TVP23A: variants seen among roughly 807,000 people sequenced by gnomAD.
TVP23A encodes trans-golgi network vesicle protein 23 homolog A.
A neutral mutation model predicts 31.7 loss-of-function variants in TVP23A; 21 were observed. The observed-to-expected ratio is 0.66, with a 90% CI of 0.47 to 0.95. The LOEUF is 0.95. Ranked by LOEUF, TVP23A falls within the 40% of genes least tolerant of loss-of-function variation. TVP23A has a pLI of 0.00. For missense variants in TVP23A, 279 were observed against 255.6 expected (o/e 1.09, Z -0.62); for synonymous variants, 104 against 96.0 (o/e 1.08, Z -0.49).
chr16:10,794,300 ACATCATT>A (rs143655856), intron 2 of TVP23A, among the ~76,000 whole-genome samples: 2,738 of 152,292 alleles, frequency 0.018, 68 homozygotes, highest in African/African-American at 0.059. Context: ...TCTTGTAGCC[ACATCATT>A]CCAATCTCTG....
chr16:10,781,276 C>T (rs13333518), intron 2 of TVP23A, among the ~76,000 whole-genome samples: 1,765 of 151,350 alleles, frequency 0.012, 36 homozygotes, highest in African/African-American at 0.041. Flanking sequence ...TTGCAGTGAG[C>T]CAAGATCACA....
intron 2 of TVP23A, chr16:10,808,537 C>A (rs1386216969): frequency 8.8e-6 from 4 of 455,280 alleles, no homozygotes; most frequent in Non-Finnish European, 1.8e-5. Flanking sequence ...TGGCTCATAC[C>A]TTTAATCCCA....
At position 10,779,075 on chromosome 16, in the gene TVP23A, T is replaced by C. The variant is rs1198153410; in HGVS notation, c.90-3979A>G. Among the ~76,000 whole-genome samples, 1 of 152,170 alleles carries C rather than the reference T, an allele frequency of 6.6e-6. No homozygotes were observed. The highest frequency in any genetic ancestry group is 1.5e-5 in the Non-Finnish European group (1 of 68,048). ...AATCCCTTGCCCACCCGCTTCTTTC[T>C]TTTTTCTTTTTGGCTGTGGCTCTCC... On this transcript the variant is annotated intron_variant, in intron 2 of 7. Transcript: ENST00000299866. The surrounding 1 kb of genome is among the most constrained non-coding windows in gnomAD (Gnocchi z 4.9).
chr16:10,770,470 G>T, intron 6 of TVP23A, 139 bp from the exon 7 acceptor site: 1 of 874,596 alleles, frequency 1.1e-6, no homozygotes, highest in Non-Finnish European at 1.7e-6. Flanking sequence ...ATAAAGCAGT[G>T]CTGTTCAAAT....
At chr16:10,803,901 G>T (rs141141470) in intron 2 of TVP23A, among the ~76,000 whole-genome samples, 6 of 152,262 alleles carry the variant, frequency 3.9e-5, no homozygotes, top group African/African-American at 1.4e-4. Context: ...GTGGTGATGG[G>T]TGCACAACCT....
At chr16:10,765,327 T>A (rs1596476005), downstream of TVP23A, among the ~76,000 whole-genome samples, 4 of 111,268 alleles carry the variant, frequency 3.6e-5, no homozygotes, top group Non-Finnish European at 5.3e-5. This position sits in a 1 kb window ranked among gnomAD's most constrained non-coding sequence, Gnocchi z 4.0. Flanking sequence ...CCTCATCTCT[T>A]AAAAAAAAAA....
intron 2 of TVP23A, among the ~76,000 whole-genome samples, chr16:10,796,927 G>T (rs549266939): frequency 1.1e-4 from 16 of 152,292 alleles, no homozygotes; most frequent in African/African-American, 3.9e-4. Context: ...TGGAATCTGG[G>T]CACGGTGGCT....
downstream of TVP23A, among the ~76,000 whole-genome samples, chr16:10,759,230 T>C (rs576519688): frequency 6.6e-6 from 1 of 152,212 alleles, no homozygotes; most frequent in South Asian, 2.1e-4. The surrounding 1 kb of genome is among the most constrained non-coding windows in gnomAD (Gnocchi z 4.7). Context: ...GGAACACAGG[T>C]GCTGGACACA....
chr16:10,818,073 A>T lies in TVP23A; in HGVS notation c.89+30T>A. 1.3e-6 allele frequency: 2 copies of T among 1,570,342 alleles called. No homozygotes were observed. The highest frequency in any genetic ancestry group is 1.7e-6 in the Non-Finnish European group (2 of 1,149,104). On this transcript the variant is annotated intron_variant, in intron 2 of 7. Transcript: ENST00000299866. This position sits in a 1 kb window ranked among gnomAD's most constrained non-coding sequence, Gnocchi z 4.7. Reference sequence around the variant, plus strand: ...ATGAATGAATTTGCAGCTTTGGGGAACGCCTGACCCAAGCTCCATCCCAAC... The same window carrying T: ...ATGAATGAATTTGCAGCTTTGGGGATCGCCTGACCCAAGCTCCATCCCAAC...
At chr16:10,757,987 C>G (rs781671767), downstream of TVP23A, 1 of 1,614,110 alleles carries the variant, frequency 6.2e-7, no homozygotes, top group Non-Finnish European at 8.5e-7. This position sits in a 1 kb window ranked among gnomAD's most constrained non-coding sequence, Gnocchi z 4.1. Context: ...TACCTGGCCA[C>G]AGCACACATC....
intron 2 of TVP23A, among the ~76,000 whole-genome samples, chr16:10,784,969 C>T (rs1449970604): frequency 2.0e-5 from 3 of 151,532 alleles, no homozygotes; most frequent in South Asian, 2.1e-4. Context: ...TGGTGGCGGG[C>T]GCCTGTAATC....
At chr16:10,789,096 G>A (rs1371803226) in intron 2 of TVP23A, among the ~76,000 whole-genome samples, 1 of 152,152 alleles carries the variant, frequency 6.6e-6, no homozygotes, top group African/African-American at 2.4e-5. Flanking sequence ...CCAAAGTGCT[G>A]GGATTACAGG....
chr16:10,763,746 G>C (rs150174642), downstream of TVP23A: 4 of 155,108 alleles, frequency 2.6e-5, no homozygotes, highest in African/African-American at 9.6e-5. Flanking sequence ...TGGGCAGGAC[G>C]TTTGTCAGGG....
At position 10,777,340 on chromosome 16, in the gene TVP23A, C is replaced by T. The variant is rs1048541327; in HGVS notation, c.90-2244G>A. Among the ~76,000 whole-genome samples, 13 of 152,102 alleles carry T rather than the reference C, an allele frequency of 8.5e-5. No homozygotes were observed. The highest frequency in any genetic ancestry group is 1.2e-4 in the African/African-American group (5 of 41,416). ...CTAATTCTTTTACTGAAATATCAGT[C>T]TGTGTTTCTCACTGGCCTGCGAGCA... On this transcript the variant is annotated intron_variant, in intron 2 of 7. Coordinates refer to ENST00000299866, the MANE Select transcript of TVP23A (RefSeq NM_001079512.4). This position sits in a 1 kb window ranked among gnomAD's most constrained non-coding sequence, Gnocchi z 4.5.
At chr16:10,816,911 G>A (rs886358174) in intron 2 of TVP23A, among the ~76,000 whole-genome samples, 2 of 139,160 alleles carry the variant, frequency 1.4e-5, no homozygotes, top group African/African-American at 5.3e-5. Flanking sequence ...AAAAGAAAGA[G>A]GCACAGGGAA....
chr16:10,808,597 G>C (rs750667667), intron 2 of TVP23A: 1 of 453,864 alleles, frequency 2.2e-6, no homozygotes, highest in South Asian at 1.6e-5. Flanking sequence ...GGAGTTTTGA[G>C]ACCCGGTCTC....
At chr16:10,774,185 T>C in intron 3 of TVP23A, 57 bp from the exon 4 acceptor site, 2 of 1,332,256 alleles carry the variant, frequency 1.5e-6, no homozygotes, top group Non-Finnish European at 2.1e-6. Flanking sequence ...GCTTATTCAC[T>C]GTATTGATAA....
intron 2 of TVP23A, among the ~76,000 whole-genome samples, chr16:10,790,274 G>A (rs535151306): frequency 6.9e-6 from 1 of 145,672 alleles, no homozygotes; most frequent in Non-Finnish European, 1.5e-5. Flanking sequence ...ATGTCTTGGG[G>A]TAAAATTTTT....
At position 10,773,295 on chromosome 16, in the gene TVP23A, G is replaced by A. The variant is rs779418666; in HGVS notation, c.453+18C>T. On this transcript the variant is annotated intron_variant, in intron 5 of 7. Transcript: ENST00000299866. ...GCAGAGACATCAAAGCAATGTGGAAGTCAAGATCTGGCCTTACCAGCCACT... is the reference window on the plus strand; with the variant it reads ...GCAGAGACATCAAAGCAATGTGGAAATCAAGATCTGGCCTTACCAGCCACT... The A allele has an allele frequency of 3.8e-6, 6 of 1,584,732 alleles. No homozygotes were observed. In the Admixed American group the frequency reaches 5.9e-5, roughly 16 times the overall value.
Sources: gnomAD v4.1 joint callset for allele counts (sites outside exome capture counted in the v4.1 genomes callset) on GRCh38, gnomAD v4.1.1 for gene constraint, Gnocchi (gnomAD v3.1) non-coding constraint, MANE v1.5 for transcripts, NCBI Gene and HGNC (gene_info 2026-07-23, HGNC 2026-07-21) for gene names.